HECW1: variants seen among roughly 807,000 people sequenced by gnomAD.
HECW1 encodes the protein HECT, C2 and WW domain containing E3 ubiquitin protein ligase 1.
HECW1 carries 61 observed loss-of-function variants against 182.3 expected under a neutral mutation model. The ratio of observed to expected loss-of-function variants is 0.33; its 90% confidence interval spans 0.27 to 0.41. The LOEUF (loss-of-function observed/expected upper bound fraction) is 0.41, where lower values mean the gene tolerates loss of function less well. Ranked by LOEUF, HECW1 falls within the 10% of genes least tolerant of loss-of-function variation. The pLI, the probability that HECW1 is intolerant of heterozygous loss-of-function variation, is 1.00. For missense variants in HECW1, 1,739 were observed against 2,108.9 expected (o/e 0.82, Z 3.44); for synonymous variants, 859 against 832.6 (o/e 1.03, Z -0.55).
At chr7:43,436,486 T>C (rs892259495) in intron 8 of HECW1, among the ~76,000 whole-genome samples, 1 of 151,582 alleles carries the variant, frequency 6.6e-6, no homozygotes, top group African/African-American at 2.4e-5. Flanking sequence ...GAGATATGGG[T>C]GGGGCTGTTT....
chr7:43,484,569 T>C (rs1230441785), intron 17 of HECW1: 2 of 152,232 alleles, frequency 1.3e-5, no homozygotes, highest in Non-Finnish European at 2.9e-5. Flanking sequence ...GTTGATTTTT[T>C]TATAAATTGC....
At chr7:43,533,238 G>A (rs900314003) in intron 24 of HECW1, among the ~76,000 whole-genome samples, 3 of 152,104 alleles carry the variant, frequency 2.0e-5, no homozygotes, top group African/African-American at 7.2e-5. Flanking sequence ...CTATTCTTTT[G>A]AGAACTGCAA....
Position 43,445,447 on chromosome 7 carries a change from G to C in HECW1, c.2275G>C (p.Asp759His), listed in dbSNP as rs1420042968. The C allele has an allele frequency of 6.2e-7, 1 of 1,613,154 alleles. No homozygotes were observed. The highest frequency in any genetic ancestry group is 8.5e-7 in the Non-Finnish European group (1 of 1,179,906). The change falls in exon 11 of 30, where the codon GAC becomes CAC. Residue 759 changes from aspartate to histidine, a missense_variant. By Grantham distance (81) the Asp-to-His change is moderately conservative (BLOSUM62 -1). Transcript: ENST00000395891. ...CGACTCCATGCAGAGCCCTGAGCTGGACCCGGAGTCCACGAACGGCGCTGG... is the reference window on the plus strand; with the variant it reads ...CGACTCCATGCAGAGCCCTGAGCTGCACCCGGAGTCCACGAACGGCGCTGG... ...VPDSMQSPEL[D>H]PESTNGAGPW...
At chr7:43,503,209 A>G (rs1462967223) in intron 21 of HECW1, among the ~76,000 whole-genome samples, 2 of 152,222 alleles carry the variant, frequency 1.3e-5, no homozygotes, top group Non-Finnish European at 2.9e-5. Context: ...CCCATTGCCT[A>G]AAAAGACCAG....
chr7:43,561,749 T>C (rs1340264457), intron 29 of HECW1, 66 bp from the exon 30 acceptor site: 13 of 1,103,370 alleles, frequency 1.2e-5, no homozygotes, highest in Non-Finnish European at 1.6e-5. Context: ...CTTCAGACAG[T>C]CACAGATCCA....
At chr7:43,168,793 C>T (rs185914733) in intron 2 of HECW1, among the ~76,000 whole-genome samples, 7 of 152,154 alleles carry the variant, frequency 4.6e-5, no homozygotes, top group East Asian at 3.9e-4. Flanking sequence ...AATAAGTATA[C>T]GCAAGGATAC....
intron 2 of HECW1, among the ~76,000 whole-genome samples, chr7:43,237,288 A>G (rs145016960): frequency 3.3e-5 from 5 of 152,328 alleles, no homozygotes; most frequent in Admixed American, 6.5e-5. Context: ...TGACCAAAAT[A>G]AAATGTAAAT....
chr7:43,382,055 G>T (rs1250918613), intron 6 of HECW1, among the ~76,000 whole-genome samples: 1 of 152,120 alleles, frequency 6.6e-6, no homozygotes, highest in East Asian at 1.9e-4. Context: ...GGAGGCCAAG[G>T]CAGATGGATC....
At chr7:43,171,685 T>C (rs772831497) in intron 2 of HECW1, among the ~76,000 whole-genome samples, 11 of 152,242 alleles carry the variant, frequency 7.2e-5, no homozygotes, top group Non-Finnish European at 5.9e-5. Context: ...TGAAGAATTG[T>C]CTGAGAATGA....
intron 2 of HECW1, among the ~76,000 whole-genome samples, chr7:43,152,452 A>T (rs1437129457): frequency 1.3e-5 from 2 of 152,226 alleles, no homozygotes; most frequent in African/African-American, 4.8e-5. Context: ...ATGGTTTTTT[A>T]AAATATGTTG....
At chr7:43,298,018 A>T (rs1465363787) in intron 3 of HECW1, among the ~76,000 whole-genome samples, 1 of 152,198 alleles carries the variant, frequency 6.6e-6, no homozygotes, top group African/African-American at 2.4e-5. Flanking sequence ...GGTTGCAGTG[A>T]GCTTTAGTGG....
At chr7:43,407,851 T>A in intron 8 of HECW1, 120 bp downstream of exon 8, 1 of 900,008 alleles carries the variant, frequency 1.1e-6, no homozygotes, top group Non-Finnish European at 1.7e-6. Flanking sequence ...TCTATGGCTG[T>A]CATGGTCTTA....
intron 6 of HECW1, among the ~76,000 whole-genome samples, chr7:43,361,815 C>CTCTTT (rs1360544693): frequency 3.8e-5 from 3 of 77,982 alleles, no homozygotes; most frequent in African/African-American, 1.6e-4. Flanking sequence ...AAGACTCTCT[C>CTCTTT]TTTTTTTTTT....
chr7:43,313,687 C>T (rs920032605), intron 4 of HECW1, among the ~76,000 whole-genome samples: 9 of 152,146 alleles, frequency 5.9e-5, no homozygotes, highest in African/African-American at 1.7e-4. Flanking sequence ...ATTGATTATC[C>T]ACACTTAAAA....
chr7:43,523,898 G>C (rs569238414), intron 24 of HECW1, among the ~76,000 whole-genome samples: 9 of 152,206 alleles, frequency 5.9e-5, no homozygotes, highest in African/African-American at 2.2e-4. Flanking sequence ...TCAGCTTCTA[G>C]AAAAGCCTCT....
chr7:43,218,915 C>T (rs1796688976), intron 2 of HECW1, among the ~76,000 whole-genome samples: 1 of 152,022 alleles, frequency 6.6e-6, no homozygotes, highest in South Asian at 2.1e-4. Flanking sequence ...GAAGAAGCTC[C>T]CCTGTACAGA....
chr7:43,448,151 G>C (rs1460230232), intron 11 of HECW1, among the ~76,000 whole-genome samples: 3 of 151,680 alleles, frequency 2.0e-5, no homozygotes, highest in African/African-American at 7.3e-5. Context: ...AAAAGAGAGA[G>C]AGAAAAAAAA....
At chr7:43,538,428 T>TA (rs538756792) in intron 24 of HECW1, among the ~76,000 whole-genome samples, 176 of 152,242 alleles carry the variant, frequency 1.2e-3, no homozygotes, top group South Asian at 4.3e-3. Flanking sequence ...GTAGCTAACA[T>TA]AAAAAACTAA....
intron 2 of HECW1, among the ~76,000 whole-genome samples, chr7:43,117,349 ACTT>A (rs1405665622): frequency 6.6e-6 from 1 of 151,526 alleles, no homozygotes; most frequent in Non-Finnish European, 1.5e-5. Flanking sequence ...CTTTTTTTCC[ACTT>A]CTTTAGCTCC....
Sources: allele counts gnomAD v4.1 joint callset (sites outside exome capture counted in the v4.1 genomes callset), GRCh38; gene constraint gnomAD v4.1.1; transcripts MANE v1.5; gene names NCBI Gene and HGNC (gene_info 2026-07-23, HGNC 2026-07-21).